FBXL13: variants seen among roughly 807,000 people sequenced by gnomAD.
The protein encoded by FBXL13 is F-box and leucine-rich repeat protein 13.
In FBXL13, 67 loss-of-function variants were observed where a neutral mutation model predicts 83.6. That is an observed-to-expected ratio of 0.80 (90% CI 0.66 to 0.98). The LOEUF (loss-of-function observed/expected upper bound fraction) is 0.98. Among genes scored for constraint, FBXL13 ranks in the 50% least tolerant of loss-of-function variants. FBXL13 has a pLI of 0.00. For missense variants in FBXL13, 822 were observed against 866.5 expected (o/e 0.95, Z 0.64); for synonymous variants, 272 against 299.5 (o/e 0.91, Z 0.95).
intron 6 of FBXL13, among the ~76,000 whole-genome samples, chr7:103,011,611 C>G (rs1318778771): frequency 2.7e-5 from 4 of 148,240 alleles, no homozygotes; most frequent in African/African-American, 1.0e-4. Flanking sequence ...ACACTCCAGC[C>G]TGGGAGACAG....
chr7:102,931,901 A>G (rs755764310), exon 9 of FBXL13: 1 of 1,613,708 alleles, frequency 6.2e-7, no homozygotes, highest in South Asian at 1.1e-5. Flanking sequence ...GGGCAGTCAG[A>G]GACATTCAAC....
intron 12 of FBXL13, among the ~76,000 whole-genome samples, chr7:102,884,008 T>C (rs1297699153): frequency 6.6e-6 from 1 of 152,212 alleles, no homozygotes; most frequent in East Asian, 1.9e-4. Context: ...AAAAAAATCC[T>C]AACTGTGAAA....
intron 17 of FBXL13, among the ~76,000 whole-genome samples, chr7:102,854,325 A>C (rs1263222446): frequency 2.0e-5 from 3 of 152,082 alleles, no homozygotes; most frequent in Non-Finnish European, 2.9e-5. Flanking sequence ...GAACAATGAG[A>C]ACACATGGAC....
chr7:103,001,120 A>ATTTT (rs546579010), intron 6 of FBXL13, among the ~76,000 whole-genome samples: 6 of 149,508 alleles, frequency 4.0e-5, no homozygotes, highest in Non-Finnish European at 8.9e-5. Context: ...CTATATATAT[A>ATTTT]TTTTTTTTTG....
Position 103,024,833 on chromosome 7 carries a change from G to A in FBXL13, c.495+230C>T, listed in dbSNP as rs1280952262. ...CATACATATATATGTATATATATGT[G>A]TATATATATATATATATATATATAT... On this transcript the variant is annotated intron_variant, in intron 6 of 19. Transcript: ENST00000313221. Among the ~76,000 whole-genome samples the A allele has an allele frequency of 3.8e-3, 360 of 95,944 alleles. 8 individuals are homozygous for A. Among genetic ancestry groups the A allele is most frequent in the African/African-American group, 0.016 (343 of 21,676 alleles). The allele number at this position is 95,944 out of a possible 152,430, so 62.9% of individuals were successfully genotyped here. A position where few individuals can be genotyped will look rare whatever the true frequency, so the allele number is the denominator to read the frequency against.
At chr7:102,963,796 G>C in intron 7 of FBXL13, 131 bp from the exon 9 acceptor site, 1 of 815,234 alleles carries the variant, frequency 1.2e-6, no homozygotes, top group Non-Finnish European at 1.8e-6. Context: ...ACTATCAATA[G>C]AGAAGACAGA....
At chr7:102,850,596 A>C (rs1214440176) in intron 17 of FBXL13, among the ~76,000 whole-genome samples, 1 of 152,202 alleles carries the variant, frequency 6.6e-6, no homozygotes, top group Non-Finnish European at 1.5e-5. Flanking sequence ...TTTAACCCTT[A>C]AGTTAATTGC....
At chr7:103,009,027 TA>T (rs951491543) in intron 6 of FBXL13, among the ~76,000 whole-genome samples, 34 of 152,192 alleles carry the variant, frequency 2.2e-4, no homozygotes, top group East Asian at 1.2e-3. Flanking sequence ...CAGTCCATGG[TA>T]TTTAAAATGC....
chr7:102,966,437 A>T (rs1374173189), intron 7 of FBXL13, among the ~76,000 whole-genome samples: 3 of 152,178 alleles, frequency 2.0e-5, no homozygotes, highest in Admixed American at 6.5e-5. Flanking sequence ...ATATTTGGGG[A>T]TGTTGCTTTT....
intron 16 of FBXL13, among the ~76,000 whole-genome samples, chr7:102,860,987 A>G (rs1053494009): frequency 6.9e-6 from 1 of 145,294 alleles, no homozygotes; most frequent in African/African-American, 2.5e-5. Flanking sequence ...AGTTATATAT[A>G]TATACACACA....
At chr7:103,028,385 AGATTT>A (rs1794164109) in intron 4 of FBXL13, among the ~76,000 whole-genome samples, 1 of 152,174 alleles carries the variant, frequency 6.6e-6, no homozygotes, top group East Asian at 1.9e-4. Context: ...AATGCACACA[AGATTT>A]GATTTTAAAT....
chr7:102,941,646 T>G (rs1439566036), intron 8 of FBXL13, among the ~76,000 whole-genome samples: 1 of 151,942 alleles, frequency 6.6e-6, no homozygotes, highest in African/African-American at 2.4e-5. Flanking sequence ...CAAAAGCCAT[T>G]CCAAAGGTCC....
At chr7:103,027,370 A>C (rs1794046792) in intron 5 of FBXL13, 79 bp downstream of exon 6, 2 of 860,986 alleles carry the variant, frequency 2.3e-6, no homozygotes, top group Non-Finnish European at 3.6e-6. Flanking sequence ...TATTTTCCAC[A>C]CACGGCATTA....
chr7:102,952,664 T>C (rs1055920472), intron 8 of FBXL13, among the ~76,000 whole-genome samples: 14 of 151,834 alleles, frequency 9.2e-5, no homozygotes, highest in African/African-American at 3.4e-4. Flanking sequence ...CTATAATAAG[T>C]AAAAATACTA....
intron 8 of FBXL13, among the ~76,000 whole-genome samples, chr7:102,945,595 C>G (rs1822335235): frequency 6.6e-6 from 1 of 152,082 alleles, no homozygotes; most frequent in Admixed American, 6.6e-5. Context: ...AGAACTAGAT[C>G]ACCAGCAAAA....
intron 6 of FBXL13, among the ~76,000 whole-genome samples, chr7:103,015,421 A>C (rs1253398339): frequency 6.6e-6 from 1 of 152,200 alleles, no homozygotes; most frequent in Non-Finnish European, 1.5e-5. Flanking sequence ...AGACAATATG[A>C]TTCTATACCT....
exon 10 of FBXL13, chr7:102,926,316 G>C (rs1171851141): frequency 6.2e-7 from 1 of 1,613,992 alleles, no homozygotes; most frequent in Non-Finnish European, 8.5e-7. Flanking sequence ...AGTTGTGTTA[G>C]ACAGATTGAG....
chr7:102,811,657 T>C (rs139601231), downstream of FBXL13, among the ~76,000 whole-genome samples: 1 of 152,356 alleles, frequency 6.6e-6, no homozygotes, highest in African/African-American at 2.4e-5. Context: ...TAGAAAGCAA[T>C]TGCCTCTTTT....
At chr7:102,829,263 G>C (rs1562916581) in intron 18 of FBXL13, among the ~76,000 whole-genome samples, 1 of 152,164 alleles carries the variant, frequency 6.6e-6, no homozygotes. Context: ...CTGCCTATCT[G>C]TAAGTAATCT....
Sources: gnomAD v4.1 joint callset for allele counts (sites outside exome capture counted in the v4.1 genomes callset) on GRCh38, gnomAD v4.1.1 for gene constraint, MANE v1.5 for transcripts, NCBI Gene and HGNC (gene_info 2026-07-23, HGNC 2026-07-21) for gene names.